The following LSM8 variants were observed in gnomAD, a reference collection of about 807,000 sequenced individuals.
The protein encoded by LSM8 is LSM8 U6 small nuclear RNA associated.
Under a neutral mutation model 15.0 loss-of-function variants are expected in LSM8, and 14 were observed. The observed-to-expected ratio is 0.93, with a 90% CI of 0.62 to 1.46. The LOEUF (loss-of-function observed/expected upper bound fraction) is 1.46. Among genes scored for constraint, LSM8 ranks in the 40% most tolerant of loss-of-function variants. LSM8 has a pLI of 0.00. For synonymous variants in LSM8, 50 were observed against 42.1 expected, an observed-to-expected ratio of 1.19 and a Z score of -0.73; for missense variants, 90 against 115.4, an observed-to-expected ratio of 0.78 and a Z score of 1.01.
rs1809116918 is a variant in LSM8 at position 118,198,492 on chromosome 7, G to A, written c.*6490G>A. On this transcript the variant is annotated 3_prime_UTR_variant, in exon 4 of 4. Coordinates refer to ENST00000249299, the MANE Select transcript of LSM8 (RefSeq NM_016200.5). ...TGACAGTAACAGAGATGACATGCCCGGTAAACTGGTGTTTGAAGGCAATAT... is the reference window on the plus strand; with the variant it reads ...TGACAGTAACAGAGATGACATGCCCAGTAAACTGGTGTTTGAAGGCAATAT... 6.6e-6 allele frequency among the ~76,000 whole-genome samples: 1 copy of A among 152,066 alleles called. No homozygotes were observed. The highest frequency in any genetic ancestry group is 1.5e-5 in the Non-Finnish European group (1 of 68,032).
At position 118,196,805 on chromosome 7, in the gene LSM8, C is replaced by T. The variant is rs1428980209; in HGVS notation, c.*4803C>T. Among the ~76,000 whole-genome samples the T allele has an allele frequency of 6.6e-6, 1 of 151,328 alleles. No individual in the cohort carries two copies. Among genetic ancestry groups the T allele is most frequent in the African/African-American group, 2.4e-5 (1 of 41,096 alleles). ...AGTGCAGTGGTGCAATCTTGGCTCA[C>T]TACAACCTCCGCATCCTGGGTTCAA... On this transcript the variant is annotated 3_prime_UTR_variant, in exon 4 of 4. Coordinates refer to ENST00000249299, the MANE Select transcript of LSM8 (RefSeq NM_016200.5).
In LSM8 at chr7:118,201,539, T is replaced by A. The variant is rs1809174155; in HGVS notation, c.*9537T>A. ...CAACCAAGAATCTCAATATTTATTATTTTGCATTAAATATCAGTAAGTTTG... is the reference window on the plus strand; with the variant it reads ...CAACCAAGAATCTCAATATTTATTAATTTGCATTAAATATCAGTAAGTTTG... On this transcript the variant is annotated 3_prime_UTR_variant, in exon 4 of 4. Coordinates refer to ENST00000249299, the MANE Select transcript of LSM8 (RefSeq NM_016200.5). Among the ~76,000 whole-genome samples the A allele has an allele frequency of 6.6e-6, 1 of 152,134 alleles. No individual in the cohort carries two copies. The highest frequency in any genetic ancestry group is 1.5e-5 in the Non-Finnish European group (1 of 67,994).
At position 118,198,272 on chromosome 7, in the gene LSM8, G is replaced by A. The variant is rs1305417404; in HGVS notation, c.*6270G>A. Among the ~76,000 whole-genome samples, 2 of 152,148 alleles carry A rather than the reference G, an allele frequency of 1.3e-5. No homozygotes were observed. The highest frequency in any genetic ancestry group is 4.8e-5 in the African/African-American group (2 of 41,452). ...ATTTCTTTGGTGTGAAAAGATAAAT[G>A]AGAAATGAGAATATGCCAGAGATCT... On this transcript the variant is annotated 3_prime_UTR_variant, in exon 4 of 4. Transcript: ENST00000249299.
rs1809182413 is a variant in LSM8, at chr7:118,202,196, T to C, written c.*10194T>C. On this transcript the variant is annotated 3_prime_UTR_variant, in exon 4 of 4. Coordinates refer to ENST00000249299, the MANE Select transcript of LSM8 (RefSeq NM_016200.5). ...TTTTTGCTTGTGTCACACATAATGC[T>C]GATGAAGAAACCATGAAGTGTCATA... 6.6e-6 allele frequency among the ~76,000 whole-genome samples: 1 copy of C among 152,096 alleles called. No homozygotes were observed. The highest frequency in any genetic ancestry group is 2.1e-4 in the South Asian group (1 of 4,830).
intron 1 of LSM8, chr7:118,185,167 C>T (rs1266382011): frequency 1.1e-4 from 16 of 152,030 alleles, no homozygotes; most frequent in Admixed American, 1.0e-3. Context: ...ACACCGATCA[C>T]ATACAGAAAG....
rs1165080201 is a variant in LSM8, at chr7:118,195,832, ATGT to A, written c.*3833_*3835del. On this transcript the variant is annotated 3_prime_UTR_variant, in exon 4 of 4. Coordinates refer to ENST00000249299, the MANE Select transcript of LSM8 (RefSeq NM_016200.5). ...CTGTCTACATGTAATACTGAAAAAA[ATGT>A]TGATAAGGTAAAGCTATCTCCATTT... Among the ~76,000 whole-genome samples, 1 of 152,204 alleles carries A rather than the reference ATGT, an allele frequency of 6.6e-6. No homozygotes were observed. Among genetic ancestry groups the A allele is most frequent in the Non-Finnish European group, 1.5e-5 (1 of 68,034 alleles).
At chr7:118,185,552 C>G in intron 1 of LSM8, 102 bp from the exon 2 acceptor site, 1 of 1,027,818 alleles carries the variant, frequency 9.7e-7, no homozygotes, top group Non-Finnish European at 1.5e-6. Flanking sequence ...AATACTTATA[C>G]CTAGTTGTCA....
rs1562864532 is a variant in LSM8 at position 118,197,609 on chromosome 7, AT to A, written c.*5612del. Among the ~76,000 whole-genome samples, 1 of 151,946 alleles carries A rather than the reference AT, an allele frequency of 6.6e-6. No homozygotes were observed. Among genetic ancestry groups the A allele is most frequent in the Non-Finnish European group, 1.5e-5 (1 of 68,014 alleles). The stretch of plus-strand genomic sequence containing the variant: ...TTAAATTTTTTATTTTAAAATTTAA[AT>A]TTTTATTTTAAAAAATAGCTCTCTG... On this transcript the variant is annotated 3_prime_UTR_variant, in exon 4 of 4. Transcript: ENST00000249299.
rs1390804035 is a variant in LSM8 at position 118,192,767 on chromosome 7, AT to A, written c.*768del. 1 of 152,198 alleles carries A rather than the reference AT, an allele frequency of 6.6e-6. No homozygotes were observed. The highest frequency in any genetic ancestry group is 1.5e-5 in the Non-Finnish European group (1 of 68,014). 9.4% of individuals were successfully genotyped at this position (152,198 alleles called of 1,614,324 possible). A position where few individuals can be genotyped will look rare whatever the true frequency, so the allele number is the denominator to read the frequency against. ...ATTTTTAATTTTTAAGAATTGGAGA[AT>A]TTCTAATGTTAAAGTTAGTTTATAA... On this transcript the variant is annotated 3_prime_UTR_variant, in exon 4 of 4. Transcript: ENST00000249299.
At position 118,197,255 on chromosome 7, in the gene LSM8, A is replaced by C. The variant is rs1249244761; in HGVS notation, c.*5253A>C. Among the ~76,000 whole-genome samples the C allele has an allele frequency of 2.6e-5, 4 of 151,950 alleles. No individual in the cohort carries two copies. Among genetic ancestry groups the C allele is most frequent in the Non-Finnish European group, 5.9e-5 (4 of 68,002 alleles). On this transcript the variant is annotated 3_prime_UTR_variant, in exon 4 of 4. Coordinates refer to ENST00000249299, the MANE Select transcript of LSM8 (RefSeq NM_016200.5). ...AATGCCATATAATTAGTATGGTACCAAATTGTTATTACATTTGAAATACGT... is the reference window on the plus strand; with the variant it reads ...AATGCCATATAATTAGTATGGTACCCAATTGTTATTACATTTGAAATACGT...
In LSM8 at chr7:118,200,886, G is replaced by T. The variant is rs1273684160; in HGVS notation, c.*8884G>T. Among the ~76,000 whole-genome samples the T allele has an allele frequency of 6.6e-6, 1 of 151,904 alleles. No individual in the cohort carries two copies. Among genetic ancestry groups the T allele is most frequent in the Non-Finnish European group, 1.5e-5 (1 of 67,956 alleles). ...GTAAAAAAGGAGGTTTCTAAATCTT[G>T]ACTGTTGATTGACAATTAATGGGCT... is the stretch of plus-strand genomic sequence containing the variant. On this transcript the variant is annotated 3_prime_UTR_variant, in exon 4 of 4. Transcript: ENST00000249299.
rs1040872140 is a variant in LSM8, at chr7:118,200,821, G to C, written c.*8819G>C. Reference sequence around the variant, plus strand: ...ATGGAACGAACTGAGGTTTGCAATTGCTAATGTTATTCTCCCATCCCAGTT... The same window carrying C: ...ATGGAACGAACTGAGGTTTGCAATTCCTAATGTTATTCTCCCATCCCAGTT... On this transcript the variant is annotated 3_prime_UTR_variant, in exon 4 of 4. Transcript: ENST00000249299. 2.6e-5 allele frequency among the ~76,000 whole-genome samples: 4 copies of C among 152,026 alleles called. No homozygotes were observed. Among genetic ancestry groups the C allele is most frequent in the Admixed American group, 6.6e-5 (1 of 15,226 alleles).
chr7:118,192,775 TGTTAAA>T lies in LSM8; in HGVS notation c.*778_*783del, dbSNP rs202130190. The T allele has an allele frequency of 6.6e-6, 1 of 152,290 alleles. No individual in the cohort carries two copies. Among genetic ancestry groups the T allele is most frequent in the East Asian group, 1.9e-4 (1 of 5,194 alleles). The allele number at this position is 152,290 out of a possible 1,614,324, so 9.4% of individuals were successfully genotyped here. A position where few individuals can be genotyped will look rare whatever the true frequency, so the allele number is the denominator to read the frequency against. ...TTTTTAAGAATTGGAGAATTTCTAA[TGTTAAA>T]GTTAGTTTATAAATGTGAGTAAATA... On this transcript the variant is annotated 3_prime_UTR_variant, in exon 4 of 4. Transcript: ENST00000249299.
rs1399837931 is a variant in LSM8, at chr7:118,202,427, T to A, written c.*10425T>A. 6.6e-6 allele frequency among the ~76,000 whole-genome samples: 1 copy of A among 152,014 alleles called. No individual in the cohort carries two copies. The highest frequency in any genetic ancestry group is 2.4e-5 in the African/African-American group (1 of 41,414). On this transcript the variant is annotated 3_prime_UTR_variant, in exon 4 of 4. Transcript: ENST00000249299. ...TGACCCAGTACCCAGGCCACTATTTTCTCTTTGCCATCCTTTTGTTCTAAT... is the reference window on the plus strand; with the variant it reads ...TGACCCAGTACCCAGGCCACTATTTACTCTTTGCCATCCTTTTGTTCTAAT...
Position 118,197,570 on chromosome 7 carries a change from A to T in LSM8, c.*5568A>T, listed in dbSNP as rs959195230. ...AATAAATGCCCTGAAAGTGATCACAATGATAGTTAAAAGTTAAATTTTTTA... is the reference window on the plus strand; with the variant it reads ...AATAAATGCCCTGAAAGTGATCACATTGATAGTTAAAAGTTAAATTTTTTA... On this transcript the variant is annotated 3_prime_UTR_variant, in exon 4 of 4. Transcript: ENST00000249299. Among the ~76,000 whole-genome samples the T allele has an allele frequency of 2.0e-5, 3 of 152,172 alleles. No homozygotes were observed. Among genetic ancestry groups the T allele is most frequent in the Non-Finnish European group, 4.4e-5 (3 of 68,016 alleles).
chr7:118,190,482 T>C (rs987915207), intron 3 of LSM8: 2 of 152,204 alleles, frequency 1.3e-5, no homozygotes, highest in African/African-American at 2.4e-5. Flanking sequence ...AGCTGGTTAA[T>C]TGATGTCTTG....
At chr7:118,188,500 A>AG (rs1346257484) in intron 3 of LSM8, 95 bp downstream of exon 3, 2 of 1,100,742 alleles carry the variant, frequency 1.8e-6, no homozygotes, top group Non-Finnish European at 2.6e-6. Flanking sequence ...TTGTCCATAC[A>AG]TAGTTAATAG....
rs1252456933 is a variant in LSM8 at position 118,192,659 on chromosome 7, TAGGTATGAA to T, written c.*660_*668del. 1 of 152,164 alleles carries T rather than the reference TAGGTATGAA, an allele frequency of 6.6e-6. No homozygotes were observed. The allele number at this position is 152,164 out of a possible 1,614,324, so 9.4% of individuals were successfully genotyped here. A position where few individuals can be genotyped will look rare whatever the true frequency, so the allele number is the denominator to read the frequency against. On this transcript the variant is annotated 3_prime_UTR_variant, in exon 4 of 4. Coordinates refer to ENST00000249299, the MANE Select transcript of LSM8 (RefSeq NM_016200.5). The stretch of plus-strand genomic sequence containing the variant: ...TAAAGTCTCTTGATGCCCAATTGGT[TAGGTATGAA>T]AGTAATATGAACACATTAATGTTGA...
Position 118,194,838 on chromosome 7 carries a change from A to G in LSM8, c.*2836A>G, listed in dbSNP as rs2115930510. 6.6e-6 allele frequency among the ~76,000 whole-genome samples: 1 copy of G among 152,226 alleles called. No individual in the cohort carries two copies. Among genetic ancestry groups the G allele is most frequent in the East Asian group, 1.9e-4 (1 of 5,184 alleles). Reference sequence around the variant, plus strand: ...TTAGTAGGTAGTATTTATTGAGTGCATATCATGTGCCAGGCCTGGTGCTGA... The same window carrying G: ...TTAGTAGGTAGTATTTATTGAGTGCGTATCATGTGCCAGGCCTGGTGCTGA... On this transcript the variant is annotated 3_prime_UTR_variant, in exon 4 of 4. Coordinates refer to ENST00000249299, the MANE Select transcript of LSM8 (RefSeq NM_016200.5).
Sources: allele counts gnomAD v4.1 joint callset (sites outside exome capture counted in the v4.1 genomes callset), GRCh38; gene constraint gnomAD v4.1.1; transcripts MANE v1.5; gene names NCBI Gene and HGNC (gene_info 2026-07-23, HGNC 2026-07-21).